Variants in HSD3B1 observed in about 807,000 individuals in gnomAD.
The protein encoded by HSD3B1 is 3 beta-hydroxysteroid dehydrogenase/Delta 5-->4-isomerase type 1.
HSD3B1 carries 11 observed loss-of-function variants against 10.4 expected under a neutral mutation model. The ratio of observed to expected loss-of-function variants is 1.05; its 90% CI spans 0.66 to 1.75. HSD3B1 has a LOEUF of 1.75. HSD3B1 is among the 40% of genes most tolerant of loss of function. HSD3B1 has a pLI of 0.00. For synonymous variants in HSD3B1, 217 were observed against 185.4 expected (o/e 1.17, Z -1.39); for missense variants, 490 against 454.5 (o/e 1.08, Z -0.71).
At position 119,514,348 on chromosome 1, in the gene HSD3B1, G is replaced by T; in HGVS notation, c.825G>T (p.Glu275Asp). 1.2e-6 allele frequency: 2 copies of T among 1,614,126 alleles called. No individual in the cohort carries two copies. The highest frequency in any genetic ancestry group is 1.7e-6 in the Non-Finnish European group (2 of 1,180,008). ...ACCTTAATTACACCCTGAGCAAAGA[G>T]TTCGGCCTCCGCCTTGATTCCAGAT... ...YDNLNYTLSKEFGLRLDSRWS... is the reference protein window; with the variant it reads ...YDNLNYTLSKDFGLRLDSRWS... The change falls in exon 4 of 4, where the codon GAG becomes GAT. Residue 275 changes from glutamate to aspartate, a missense_variant. Glu to Asp is a conservative substitution (Grantham distance 45). Coordinates refer to ENST00000369413, the MANE Select transcript of HSD3B1 (RefSeq NM_000862.3).
chr1:119,509,998 T>G (rs1653890279), intron 2 of HSD3B1, among the ~76,000 whole-genome samples: 1 of 152,214 alleles, frequency 6.6e-6, no homozygotes, highest in Admixed American at 6.5e-5. Flanking sequence ...TTAACCTCTC[T>G]GAGACTCAGT....
chr1:119,510,717 CTTTTTTTTTTTTTTTTTTTTTTTTT>C (rs962978657), intron 2 of HSD3B1, among the ~76,000 whole-genome samples: 2 of 54,134 alleles, frequency 3.7e-5, no homozygotes, highest in Non-Finnish European at 7.1e-5. Flanking sequence ...GTGTGGTTTT[CTTTTTTTTTTTTTTTTTTTTTTTTT>C]TTTTTTTTTT....
chr1:119,514,092 T>A lies in HSD3B1; in HGVS notation c.569T>A (p.Ile190Asn). The change falls in exon 4 of 4, where the codon ATC becomes AAC. Residue 190 changes from isoleucine to asparagine, a missense_variant. Physicochemically the swap from Ile to Asn is moderately radical, Grantham distance 149. Coordinates refer to ENST00000369413, the MANE Select transcript of HSD3B1 (RefSeq NM_000862.3). Reference protein sequence around the residue: ...LYTCALRPMYIYGEGSRFLSA... With the variant: ...LYTCALRPMYNYGEGSRFLSA... ...ACTTGTGCCTTACGACCCATGTATATCTATGGGGAAGGAAGCCGATTCCTT... is the reference window on the plus strand; with the variant it reads ...ACTTGTGCCTTACGACCCATGTATAACTATGGGGAAGGAAGCCGATTCCTT... 1 of 1,614,022 alleles carries A rather than the reference T, an allele frequency of 6.2e-7. No homozygotes were observed. Among genetic ancestry groups the A allele is most frequent in the Non-Finnish European group, 8.5e-7 (1 of 1,179,974 alleles).
chr1:119,508,230 T>C (rs893936349), intron 2 of HSD3B1, among the ~76,000 whole-genome samples: 7 of 150,350 alleles, frequency 4.7e-5, no homozygotes, highest in African/African-American at 1.7e-4. Flanking sequence ...GACAGAGAAA[T>C]AATGAAAAAT....
At chr1:119,508,705 G>C (rs967881478) in intron 2 of HSD3B1, among the ~76,000 whole-genome samples, 6 of 152,154 alleles carry the variant, frequency 3.9e-5, no homozygotes, top group African/African-American at 1.2e-4. Context: ...CCCAACCCAG[G>C]GGATTTGGGG....
chr1:119,511,881 G>A lies in HSD3B1; in HGVS notation c.310+214G>A, dbSNP rs587723164. On this transcript the variant is annotated intron_variant, in intron 3 of 3. Transcript: ENST00000369413. Reference sequence around the variant, plus strand: ...AGAGAGGGCAAGTAACTTGTCCAAGGTCCCCCAGGTAAGTAAGCAGGTAGG... The same window carrying A: ...AGAGAGGGCAAGTAACTTGTCCAAGATCCCCCAGGTAAGTAAGCAGGTAGG... The A allele has an allele frequency of 4.4e-5, 24 of 551,578 alleles. No individual in the cohort carries two copies. The Admixed American group carries it at 6.1e-4, about 14-fold the overall frequency. The allele number at this position is 551,578 out of a possible 1,614,324, so 34.2% of individuals were successfully genotyped here.
chr1:119,507,693 T>C (rs1377077265), intron 2 of HSD3B1, 72 bp downstream of exon 2: 7 of 1,489,232 alleles, frequency 4.7e-6, no homozygotes, highest in Non-Finnish European at 6.6e-6. Flanking sequence ...AGATGGACCT[T>C]GTCTAGCAAG....
At chr1:119,508,920 T>C (rs1300921990) in intron 2 of HSD3B1, among the ~76,000 whole-genome samples, 1 of 152,258 alleles carries the variant, frequency 6.6e-6, no homozygotes, top group Non-Finnish European at 1.5e-5. Context: ...TCCTTGCCTG[T>C]GTCTCAGCAA....
At chr1:119,510,592 T>C (rs890197025) in intron 2 of HSD3B1, among the ~76,000 whole-genome samples, 7 of 152,028 alleles carry the variant, frequency 4.6e-5, no homozygotes, top group Non-Finnish European at 5.9e-5. Flanking sequence ...TTCTGATTAA[T>C]CACTTGATCA....
In HSD3B1 at chr1:119,514,302, C is replaced by T. The variant is rs142647336; in HGVS notation, c.779C>T (p.Thr260Met). 7.0e-5 allele frequency: 113 copies of T among 1,614,078 alleles called. No individual in the cohort carries two copies. Among genetic ancestry groups the T allele is most frequent in the Admixed American group, 1.5e-4 (9 of 60,022 alleles). The change falls in exon 4 of 4, where the codon ACG (threonine) becomes ATG (methionine). Residue 260 changes from threonine to methionine, a missense_variant. Physicochemically the swap from Thr to Met is moderately conservative, Grantham distance 81. Transcript: ENST00000369413. ...RGQFYYISDD[T>M]PHQSYDNLNY... ...CAGTTCTACTATATCTCAGATGACA[C>T]GCCTCACCAAAGCTATGATAACCTT...
chr1:119,508,408 T>G (rs1395011059), intron 2 of HSD3B1, among the ~76,000 whole-genome samples: 1 of 151,404 alleles, frequency 6.6e-6, no homozygotes, highest in Non-Finnish European at 1.5e-5. Context: ...CTGTTGCTCA[T>G]CATCAAAAAG....
intron 2 of HSD3B1, among the ~76,000 whole-genome samples, chr1:119,510,113 T>A (rs1243624739): frequency 1.3e-5 from 2 of 152,068 alleles, no homozygotes; most frequent in East Asian, 3.9e-4. Flanking sequence ...CACAAACAAG[T>A]GTAGAGTATT....
chr1:119,514,420 A>C lies in HSD3B1; in HGVS notation c.897A>C (p.Glu299Asp), dbSNP rs1349440544. 3.7e-6 allele frequency: 6 copies of C among 1,614,020 alleles called. No homozygotes were observed. Among genetic ancestry groups the C allele is most frequent in the Non-Finnish European group, 5.1e-6 (6 of 1,180,008 alleles). Residue 299 changes from glutamate (E) to aspartate (D), a missense_variant, in exon 4 of 4, where the codon GAA (glutamate) becomes GAC (aspartate). Coordinates refer to ENST00000369413, the MANE Select transcript of HSD3B1 (RefSeq NM_000862.3). Reference sequence around the variant, plus strand: ...TGTATTGGATTGGCTTCCTGCTGGAAATAGTGAGCTTCCTACTCAGGCCAA... The same window carrying C: ...TGTATTGGATTGGCTTCCTGCTGGACATAGTGAGCTTCCTACTCAGGCCAA... ...SLMYWIGFLL[E>D]IVSFLLRPIY...
rs1293152539 is a variant in HSD3B1, at chr1:119,514,872, G to A, written c.*227G>A. 1.2e-5 allele frequency: 7 copies of A among 578,206 alleles called. No individual in the cohort carries two copies. Among genetic ancestry groups the A allele is most frequent in the African/African-American group, 1.1e-4 (6 of 53,422 alleles). The allele number at this position is 578,206 out of a possible 1,614,324, so 35.8% of individuals were successfully genotyped here. ...CATATACCAGAGGAAAGACCATGTG[G>A]TTTGCTGTTACCAAATCTCAGTAGC... On this transcript the variant is annotated 3_prime_UTR_variant, in exon 4 of 4. Coordinates refer to ENST00000369413, the MANE Select transcript of HSD3B1 (RefSeq NM_000862.3).
chr1:119,510,679 G>GCTTT (rs1653906251), intron 2 of HSD3B1, among the ~76,000 whole-genome samples: 1 of 100,478 alleles, frequency 1.0e-5, no homozygotes. Flanking sequence ...CCACAACCCT[G>GCTTT]CTTTTGTTCC....
At chr1:119,511,889 G>A in intron 3 of HSD3B1, 1 of 539,512 alleles carries the variant, frequency 1.9e-6, no homozygotes, top group Non-Finnish European at 3.3e-6. Flanking sequence ...AGGTCCCCCA[G>A]GTAAGTAAGC....
chr1:119,507,829 G>A, intron 2 of HSD3B1: 1 of 515,204 alleles, frequency 1.9e-6, no homozygotes, highest in Non-Finnish European at 3.4e-6. Context: ...ACTAGATTCT[G>A]GCCCTGACCC....
In HSD3B1 at chr1:119,514,403, A is replaced by G. The variant is rs1654044120; in HGVS notation, c.880A>G (p.Ile294Val). The change falls in exon 4 of 4, where the codon ATT becomes GTT. Residue 294 changes from isoleucine (I) to valine (V), a missense_variant. By Grantham distance (29) the Ile-to-Val change is conservative (BLOSUM62 3). Transcript: ENST00000369413. ...CTTTCCTTTATCCCTGATGTATTGG[A>G]TTGGCTTCCTGCTGGAAATAGTGAG... Reference protein sequence around the residue: ...WSFPLSLMYWIGFLLEIVSFL... With the variant: ...WSFPLSLMYWVGFLLEIVSFL... The G allele has an allele frequency of 5.6e-6, 9 of 1,614,078 alleles. No individual in the cohort carries two copies. The highest frequency in any genetic ancestry group is 3.4e-6 in the Non-Finnish European group (4 of 1,179,998).
chr1:119,507,721 C>A, intron 2 of HSD3B1, 100 bp downstream of exon 2: 3 of 1,224,466 alleles, frequency 2.5e-6, no homozygotes, highest in Non-Finnish European at 3.6e-6. Context: ...AATTTGTAGC[C>A]AAATCTAAGC....
Sources: gnomAD v4.1 joint callset for allele counts (sites outside exome capture counted in the v4.1 genomes callset) on GRCh38, gnomAD v4.1.1 for gene constraint, MANE v1.5 for transcripts, NCBI Gene and HGNC (gene_info 2026-07-23, HGNC 2026-07-21) for gene names.